Variants in IL20RA observed in about 807,000 individuals in gnomAD.
The protein encoded by IL20RA is interleukin 20 receptor subunit alpha.
IL20RA carries 29 observed loss-of-function variants against 36.5 expected under a neutral mutation model. That is an observed-to-expected ratio of 0.79 (90% confidence interval 0.59 to 1.08). The LOEUF (loss-of-function observed/expected upper bound fraction) is 1.08, where lower values mean the gene tolerates loss of function less well. IL20RA is among the 50% of genes least tolerant of loss of function. The pLI is 0.00. For missense variants in IL20RA, 652 were observed against 668.4 expected (o/e 0.98, Z 0.27); for synonymous variants, 279 against 267.1 (o/e 1.04, Z -0.43).
Position 137,014,004 on chromosome 6 carries a change from A to C in IL20RA, c.225-2552T>G, listed in dbSNP as rs1389735942. Among the ~76,000 whole-genome samples the C allele has an allele frequency of 4.6e-5, 7 of 152,238 alleles. No homozygotes were observed. In the East Asian group the frequency reaches 1.3e-3, roughly 29 times the overall value. On this transcript the variant is annotated intron_variant, in intron 2 of 6. Coordinates refer to ENST00000316649, the MANE Select transcript of IL20RA (RefSeq NM_014432.4). The stretch of plus-strand genomic sequence containing the variant: ...TTTTAAAAATCCCTTTCTGGATCAC[A>C]TAAAACATAAAGGACAGAGCAAGCT...
intron 1 of IL20RA, among the ~76,000 whole-genome samples, chr6:137,035,429 A>T (rs182759183): frequency 6.6e-6 from 1 of 152,220 alleles, no homozygotes; most frequent in Non-Finnish European, 1.5e-5. Flanking sequence ...GTCTTATCCT[A>T]TGCTTCTAAA....
At chr6:137,023,979 A>G (rs905457546) in intron 1 of IL20RA, among the ~76,000 whole-genome samples, 18 of 152,174 alleles carry the variant, frequency 1.2e-4, no homozygotes, top group African/African-American at 4.3e-4. Flanking sequence ...CTGTAATCCC[A>G]GCTACTTGGG....
intron 1 of IL20RA, among the ~76,000 whole-genome samples, chr6:137,042,113 G>C (rs950317668): frequency 6.6e-6 from 1 of 152,206 alleles, no homozygotes; most frequent in Non-Finnish European, 1.5e-5. Context: ...TGGGAATAGA[G>C]TGGCACAGCA....
At chr6:137,009,807 T>C (rs1441362512) in intron 3 of IL20RA, among the ~76,000 whole-genome samples, 1 of 152,164 alleles carries the variant, frequency 6.6e-6, no homozygotes, top group East Asian at 1.9e-4. Context: ...GGTTTCATCA[T>C]GTTGGCCAGG....
chr6:137,008,931 A>G (rs1242347569), intron 4 of IL20RA, 188 bp from the exon 5 acceptor site: 1 of 440,680 alleles, frequency 2.3e-6, no homozygotes, highest in Admixed American at 4.7e-5. Context: ...TCAGCAGAGC[A>G]TGGTCAGGAA....
intron 1 of IL20RA, among the ~76,000 whole-genome samples, chr6:137,019,865 C>G (rs1349015025): frequency 6.6e-6 from 1 of 152,104 alleles, no homozygotes; most frequent in Non-Finnish European, 1.5e-5. Flanking sequence ...CTATGTATGC[C>G]TCCCCTGCAC....
chr6:137,017,194 A>G (rs890722299), intron 1 of IL20RA, 91 bp from the exon 2 acceptor site: 68 of 972,806 alleles, frequency 7.0e-5, no homozygotes, highest in Non-Finnish European at 1.0e-4. Context: ...ATGGCCCCCA[A>G]TACGGCCTTC....
intron 1 of IL20RA, among the ~76,000 whole-genome samples, chr6:137,025,243 A>G (rs276490): frequency 0.82 from 124,902 of 152,146 alleles, 56,594 homozygotes; most frequent in East Asian, 1. Flanking sequence ...GCCTTTGGGA[A>G]GTGATTAGGT....
At chr6:137,006,912 T>C (rs1775303135) in intron 5 of IL20RA, among the ~76,000 whole-genome samples, 1 of 151,986 alleles carries the variant, frequency 6.6e-6, no homozygotes, top group African/African-American at 2.4e-5. Context: ...TTAGTAGAGA[T>C]GGGGTTTCAC....
At chr6:137,042,806 A>G (rs1776747881) in intron 1 of IL20RA, 1 of 152,186 alleles carries the variant, frequency 6.6e-6, no homozygotes, top group Non-Finnish European at 1.5e-5. Flanking sequence ...AAAGTCATAG[A>G]ACCTTAGTAA....
intron 1 of IL20RA, among the ~76,000 whole-genome samples, chr6:137,025,049 C>A (rs1400749347): frequency 6.6e-6 from 1 of 152,178 alleles, no homozygotes; most frequent in Admixed American, 6.5e-5. Flanking sequence ...TAATGAACTT[C>A]GAGGTAATGA....
chr6:137,029,725 T>C (rs1211935507), intron 1 of IL20RA, among the ~76,000 whole-genome samples: 1 of 152,146 alleles, frequency 6.6e-6, no homozygotes, highest in African/African-American at 2.4e-5. Context: ...TTGGGACCAC[T>C]AAAGTACTGA....
At chr6:137,013,228 A>C (rs1371790503) in intron 2 of IL20RA, among the ~76,000 whole-genome samples, 1 of 152,172 alleles carries the variant, frequency 6.6e-6, no homozygotes, top group Non-Finnish European at 1.5e-5. Flanking sequence ...TGGCTTGAAG[A>C]CTATTGCCAT....
chr6:137,035,240 G>T (rs1475490471), intron 1 of IL20RA, among the ~76,000 whole-genome samples: 1 of 152,070 alleles, frequency 6.6e-6, no homozygotes, highest in Non-Finnish European at 1.5e-5. Flanking sequence ...TTCATAGAAA[G>T]GCATTTACTT....
At chr6:137,024,780 A>C (rs1161057517) in intron 1 of IL20RA, among the ~76,000 whole-genome samples, 2 of 152,156 alleles carry the variant, frequency 1.3e-5, no homozygotes, top group Non-Finnish European at 2.9e-5. Context: ...TGCTATTTTA[A>C]TGACATGATT....
At chr6:137,017,211 G>T in intron 1 of IL20RA, 108 bp from the exon 2 acceptor site, 1 of 776,472 alleles carries the variant, frequency 1.3e-6, no homozygotes. Context: ...CTTCCAGTAT[G>T]CATGCCCTAT....
intron 1 of IL20RA, chr6:137,037,850 T>C (rs1465006918): frequency 6.6e-6 from 1 of 152,248 alleles, no homozygotes; most frequent in Admixed American, 6.5e-5. Context: ...TTGTCCAGCA[T>C]GACTTCATTG....
chr6:137,035,780 C>G (rs545932087), intron 1 of IL20RA, among the ~76,000 whole-genome samples: 1 of 152,168 alleles, frequency 6.6e-6, no homozygotes, highest in African/African-American at 2.4e-5. Flanking sequence ...CTACTTTGCA[C>G]TTAAAATTGA....
At chr6:137,029,670 G>C (rs1425016808) in intron 1 of IL20RA, among the ~76,000 whole-genome samples, 1 of 152,110 alleles carries the variant, frequency 6.6e-6, no homozygotes, top group Non-Finnish European at 1.5e-5. Flanking sequence ...AATATGCATA[G>C]GAAGGGAAAA....
Sources: gnomAD v4.1 joint callset for allele counts (sites outside exome capture counted in the v4.1 genomes callset) on GRCh38, gnomAD v4.1.1 for gene constraint, MANE v1.5 for transcripts, NCBI Gene and HGNC (gene_info 2026-07-23, HGNC 2026-07-21) for gene names.